CSMD1: variants seen among roughly 807,000 people sequenced by gnomAD.
CSMD1 encodes CUB and sushi domain-containing protein 1.
Under a neutral mutation model 417.5 loss-of-function variants are expected in CSMD1, and 213 were observed. The ratio of observed to expected loss-of-function variants is 0.51; its 90% CI spans 0.46 to 0.57. CSMD1 has a LOEUF of 0.57. CSMD1 is among the 20% of genes least tolerant of loss of function. The pLI is 0.00. For missense variants in CSMD1, 6,923 were observed against 4,529.7 expected, an observed-to-expected ratio of 1.53 and a Z score of -15.17; for synonymous variants, 2,862 against 1,736.8, an observed-to-expected ratio of 1.65 and a Z score of -16.11.
intron 11 of CSMD1, among the ~76,000 whole-genome samples, chr8:3,491,473 C>G (rs1407976253): frequency 1.3e-5 from 2 of 152,176 alleles, no homozygotes; most frequent in East Asian, 3.9e-4. Flanking sequence ...TAGTGTTATT[C>G]TCATCATTAT....
At chr8:4,439,223 A>G (rs1370682261) in intron 2 of CSMD1, among the ~76,000 whole-genome samples, 1 of 152,194 alleles carries the variant, frequency 6.6e-6, no homozygotes, top group Non-Finnish European at 1.5e-5. Flanking sequence ...TATTTGAAAT[A>G]CTTTATATGA....
intron 5 of CSMD1, among the ~76,000 whole-genome samples, chr8:3,955,397 C>G (rs1295643590): frequency 6.6e-6 from 1 of 152,164 alleles, no homozygotes; most frequent in Non-Finnish European, 1.5e-5. Flanking sequence ...CCAAAAATGA[C>G]TCTAAGCTTC....
intron 1 of CSMD1, among the ~76,000 whole-genome samples, chr8:4,736,065 C>A (rs978762621): frequency 2.0e-5 from 3 of 152,174 alleles, no homozygotes; most frequent in Non-Finnish European, 2.9e-5. Context: ...CTGTGTTAGC[C>A]TTCATGAATA....
chr8:3,296,266 G>A (rs1351891027), intron 25 of CSMD1, among the ~76,000 whole-genome samples: 1 of 151,280 alleles, frequency 6.6e-6, no homozygotes, highest in Non-Finnish European at 1.5e-5. Flanking sequence ...CATCCTGTGA[G>A]ACGTAAGAAT....
At chr8:4,764,872 CAAAAA>C (rs1194894751) in intron 1 of CSMD1, among the ~76,000 whole-genome samples, 2 of 50,948 alleles carry the variant, frequency 3.9e-5, no homozygotes, top group African/African-American at 1.6e-4. Context: ...GACTCCATCT[CAAAAA>C]AAAAAAAAAA....
At chr8:4,735,155 G>C (rs1342995516) in intron 1 of CSMD1, among the ~76,000 whole-genome samples, 1 of 152,146 alleles carries the variant, frequency 6.6e-6, no homozygotes, top group Non-Finnish European at 1.5e-5. Flanking sequence ...ATACATATGA[G>C]GTAATGCTCC....
chr8:3,912,941 G>C (rs780240614), intron 5 of CSMD1, among the ~76,000 whole-genome samples: 1 of 152,184 alleles, frequency 6.6e-6, no homozygotes, highest in Middle Eastern at 3.2e-3. Context: ...AGAACACAGG[G>C]TGTGAACATG....
At chr8:4,004,952 G>A (rs981521520) in intron 4 of CSMD1, among the ~76,000 whole-genome samples, 1 of 152,136 alleles carries the variant, frequency 6.6e-6, no homozygotes, top group Non-Finnish European at 1.5e-5. Flanking sequence ...CACCGTGTTA[G>A]CCAGGATGGT....
intron 10 of CSMD1, among the ~76,000 whole-genome samples, chr8:3,499,396 G>C (rs1330811477): frequency 6.6e-6 from 1 of 152,100 alleles, no homozygotes; most frequent in African/African-American, 2.4e-5. Flanking sequence ...AGCCATCTCT[G>C]CTTCTCAGTG....
At chr8:3,954,227 G>A (rs556372308) in intron 5 of CSMD1, among the ~76,000 whole-genome samples, 2 of 152,206 alleles carry the variant, frequency 1.3e-5, no homozygotes, top group Non-Finnish European at 2.9e-5. Flanking sequence ...AAGAGACCCA[G>A]GCAAGTCCAG....
intron 7 of CSMD1, among the ~76,000 whole-genome samples, chr8:3,620,391 T>C (rs568657201): frequency 7.9e-5 from 12 of 152,088 alleles, no homozygotes; most frequent in East Asian, 1.9e-4. Context: ...AAAAAAGTAT[T>C]ATACTAAGTT....
At chr8:3,094,374 G>A (rs1245078663) in intron 47 of CSMD1, among the ~76,000 whole-genome samples, 1 of 152,086 alleles carries the variant, frequency 6.6e-6, no homozygotes, top group Non-Finnish European at 1.5e-5. Flanking sequence ...TAAAGTGCTG[G>A]GATTACAGGC....
intron 3 of CSMD1, among the ~76,000 whole-genome samples, chr8:4,212,174 T>TTATATATATATATATATATATATA (rs10682206): frequency 6.9e-6 from 1 of 145,716 alleles, no homozygotes; most frequent in African/African-American, 2.5e-5. Context: ...ACTTCCCTAT[T>TTATATATATATATATATATATATA]TATATATATA....
chr8:4,811,136 G>A (rs562425798), intron 1 of CSMD1, among the ~76,000 whole-genome samples: 1 of 152,270 alleles, frequency 6.6e-6, no homozygotes, highest in South Asian at 2.1e-4. Context: ...ATGATCAAGT[G>A]AGAAAAATAA....
intron 12 of CSMD1, among the ~76,000 whole-genome samples, chr8:3,417,358 T>C (rs1468206604): frequency 6.6e-6 from 1 of 152,216 alleles, no homozygotes; most frequent in Non-Finnish European, 1.5e-5. Flanking sequence ...TTCAGACAGC[T>C]AACTTTTTAT....
chr8:3,125,278 G>A (rs903174460), intron 41 of CSMD1, among the ~76,000 whole-genome samples: 1 of 152,202 alleles, frequency 6.6e-6, no homozygotes, highest in Admixed American at 6.5e-5. Context: ...TCTTGCAGGT[G>A]CCTCTGAAGG....
intron 10 of CSMD1, among the ~76,000 whole-genome samples, chr8:3,506,217 G>T (rs7814044): frequency 0.15 from 23,155 of 152,056 alleles, 2,552 homozygotes; most frequent in East Asian, 0.35. Flanking sequence ...TCAGGGAGAC[G>T]GCCCTGGGGG....
chr8:4,882,634 T>A (rs1803487353), intron 1 of CSMD1, among the ~76,000 whole-genome samples: 1 of 152,018 alleles, frequency 6.6e-6, no homozygotes, highest in South Asian at 2.1e-4. Flanking sequence ...CCACCGGGTT[T>A]CCCATGCTCT....
chr8:4,043,045 T>G (rs541496706), intron 3 of CSMD1, among the ~76,000 whole-genome samples: 1 of 151,892 alleles, frequency 6.6e-6, no homozygotes, highest in South Asian at 2.1e-4. Flanking sequence ...AGCAGGAGAA[T>G]CACTTGAACC....
Sources: allele counts gnomAD v4.1 joint callset (sites outside exome capture counted in the v4.1 genomes callset), GRCh38; gene constraint gnomAD v4.1.1; transcripts MANE v1.5; gene names NCBI Gene and HGNC (gene_info 2026-07-23, HGNC 2026-07-21).